SHISA6: variants seen among roughly 807,000 people sequenced by gnomAD.
The protein encoded by SHISA6 is shisa family member 6.
In SHISA6, 22 loss-of-function variants were observed where a neutral mutation model predicts 47.9. The observed-to-expected ratio is 0.46, with a 90% CI of 0.33 to 0.66. The LOEUF (loss-of-function observed/expected upper bound fraction) is 0.66. Among genes scored for constraint, SHISA6 ranks in the 30% least tolerant of loss-of-function variants. SHISA6 has a pLI of 0.02. For synonymous variants in SHISA6, 388 were observed against 337.8 expected (o/e 1.15, Z -1.63); for missense variants, 680 against 764.6 (o/e 0.89, Z 1.30).
At chr17:11,373,794 G>T (rs969940885) in intron 2 of SHISA6, among the ~76,000 whole-genome samples, 1 of 152,134 alleles carries the variant, frequency 6.6e-6, no homozygotes, top group African/African-American at 2.4e-5. Flanking sequence ...CACTATTTAT[G>T]ACTTTTCTCT....
chr17:11,466,837 C>T (rs1032929231), intron 3 of SHISA6, among the ~76,000 whole-genome samples: 1 of 152,140 alleles, frequency 6.6e-6, no homozygotes, highest in Non-Finnish European at 1.5e-5. Flanking sequence ...CTTCAGAGAC[C>T]ACCCCCTGTA....
At chr17:11,458,084 A>C in intron 3 of SHISA6, among the ~76,000 whole-genome samples, 2 of 92,186 alleles carry the variant, frequency 2.2e-5, no homozygotes, top group East Asian at 4.3e-4. Context: ...GACTCTGTCT[A>C]AAAAAAAAAA....
chr17:11,346,669 A>G (rs1911709497), intron 2 of SHISA6, among the ~76,000 whole-genome samples: 2 of 152,170 alleles, frequency 1.3e-5, no homozygotes, highest in Non-Finnish European at 1.5e-5. Context: ...ATAATATATC[A>G]TTCTATGTTT....
Position 11,477,395 on chromosome 17 carries a change from C to G in SHISA6, c.896-74501C>G, listed in dbSNP as rs543241788. On this transcript the variant is annotated intron_variant, in intron 3 of 5. Transcript: ENST00000441885. ...AACATTTTACATGATTCTATTTTCT[C>G]TAATTTCTTAACCTATCAGTTAAAC... Among the ~76,000 whole-genome samples the G allele has an allele frequency of 1.9e-4, 29 of 152,186 alleles. No homozygotes were observed. The South Asian group carries it at 5.6e-3, about 29-fold the overall frequency.
At chr17:11,515,634 G>A (rs936218025) in intron 3 of SHISA6, among the ~76,000 whole-genome samples, 6 of 152,170 alleles carry the variant, frequency 3.9e-5, no homozygotes, top group Non-Finnish European at 7.3e-5. Context: ...GTGTAGCAAT[G>A]TTGATCAGAC....
intron 1 of SHISA6, among the ~76,000 whole-genome samples, chr17:11,254,743 C>T (rs1907947640): frequency 6.6e-6 from 1 of 152,176 alleles, no homozygotes; most frequent in African/African-American, 2.4e-5. Context: ...GGAGTGTATC[C>T]TTTCTTTTGC....
In SHISA6 at chr17:11,354,557, G is replaced by A. The variant is rs565153614; in HGVS notation, c.800-24857G>A. On this transcript the variant is annotated intron_variant, in intron 2 of 5. Transcript: ENST00000441885. ...GCAGTTGGGAGTAAATTAATGAGAC[G>A]CATCTCAACCTCATTGTTAATGCCT... is the stretch of plus-strand genomic sequence containing the variant. Among the ~76,000 whole-genome samples, 9 of 152,276 alleles carry A rather than the reference G, an allele frequency of 5.9e-5. No individual in the cohort carries two copies. The South Asian group carries it at 8.3e-4, about 14-fold the overall frequency.
rs183349315 is a variant in SHISA6 at position 11,258,449 on chromosome 17, G to C, written c.639-4917G>C. The stretch of plus-strand genomic sequence containing the variant: ...TTACCAGGTGAACTAAGGGGCTCTA[G>C]GTTCCCCCACTTAATTTGGGGGGAA... On this transcript the variant is annotated intron_variant, in intron 1 of 5. Transcript: ENST00000441885. Among the ~76,000 whole-genome samples, 456 of 152,314 alleles carry C rather than the reference G, an allele frequency of 3.0e-3. 3 individuals are homozygous for C. The highest frequency in any genetic ancestry group is 0.01 in the African/African-American group (426 of 41,570).
chr17:11,469,577 G>C (rs1915889103), intron 3 of SHISA6, among the ~76,000 whole-genome samples: 1 of 152,162 alleles, frequency 6.6e-6, no homozygotes, highest in Non-Finnish European at 1.5e-5. Context: ...AGCAGAGCAG[G>C]GGTTGGCGGG....
chr17:11,345,768 G>A (rs79752372), intron 2 of SHISA6, among the ~76,000 whole-genome samples: 2,621 of 152,070 alleles, frequency 0.017, 76 homozygotes, highest in African/African-American at 0.056. Flanking sequence ...TTTGTTGATT[G>A]CTATTAAATA....
At chr17:11,412,887 G>T (rs1914171195) in intron 3 of SHISA6, among the ~76,000 whole-genome samples, 2 of 152,116 alleles carry the variant, frequency 1.3e-5, no homozygotes, top group South Asian at 4.1e-4. Context: ...AGAAAGTAGG[G>T]CTGTGGCCAG....
intron 3 of SHISA6, among the ~76,000 whole-genome samples, chr17:11,403,637 G>A (rs866527750): frequency 6.4e-4 from 97 of 152,180 alleles, no homozygotes; most frequent in African/African-American, 1.8e-3. Context: ...AGGTGCTGGC[G>A]CTTAGCCAGC....
chr17:11,435,288 T>G (rs1914905897), intron 3 of SHISA6, among the ~76,000 whole-genome samples: 1 of 152,222 alleles, frequency 6.6e-6, no homozygotes, highest in African/African-American at 2.4e-5. Context: ...GAATCACATT[T>G]ACTTGTAGGT....
intron 2 of SHISA6, among the ~76,000 whole-genome samples, chr17:11,283,671 A>G (rs1310540798): frequency 6.6e-6 from 1 of 152,208 alleles, no homozygotes; most frequent in Non-Finnish European, 1.5e-5. Context: ...TTTCTAATGC[A>G]TAGATGTCAT....
Position 11,398,721 on chromosome 17 carries a change from TA to T in SHISA6, c.895+19213del, listed in dbSNP as rs1322428128. ...AAATCTCCTGCCTCAGCCTCCCAAG[TA>T]GCTGGGACTACAGGTGTGTGCCACC... is the stretch of plus-strand genomic sequence containing the variant. On this transcript the variant is annotated intron_variant, in intron 3 of 5. Coordinates refer to ENST00000441885, the MANE Select transcript of SHISA6 (RefSeq NM_207386.4). Among the ~76,000 whole-genome samples the T allele has an allele frequency of 2.0e-5, 3 of 152,096 alleles. No homozygotes were observed. In the East Asian group the frequency reaches 5.8e-4, roughly 29 times the overall value.
At chr17:11,301,578 G>A (rs568543039) in intron 2 of SHISA6, among the ~76,000 whole-genome samples, 13 of 152,222 alleles carry the variant, frequency 8.5e-5, no homozygotes, top group African/African-American at 2.6e-4. Context: ...TCTTCCAGGC[G>A]TCCTTCAGTC....
At position 11,299,545 on chromosome 17, in the gene SHISA6, TG is replaced by T. The variant is rs1217454153; in HGVS notation, c.799+36022del. Among the ~76,000 whole-genome samples the T allele has an allele frequency of 3.9e-5, 6 of 152,354 alleles. No homozygotes were observed. The East Asian group carries it at 1.2e-3, about 29-fold the overall frequency. The stretch of plus-strand genomic sequence containing the variant: ...GCCAGAAGTCCAAAATAGCTTTCAC[TG>T]GGCTGAAGTCAAGATATGTTAGGGC... On this transcript the variant is annotated intron_variant, in intron 2 of 5. Transcript: ENST00000441885.
At chr17:11,334,542 C>T (rs960007368) in intron 2 of SHISA6, among the ~76,000 whole-genome samples, 2 of 152,294 alleles carry the variant, frequency 1.3e-5, no homozygotes, top group African/African-American at 2.4e-5. Flanking sequence ...TCCAGGAGAG[C>T]GCTAGACATG....
chr17:11,475,124 A>G (rs554015494), intron 3 of SHISA6, among the ~76,000 whole-genome samples: 27 of 152,120 alleles, frequency 1.8e-4, no homozygotes, highest in Non-Finnish European at 3.4e-4. Flanking sequence ...TGACATTTGT[A>G]TATTAACCTC....
Sources: allele counts gnomAD v4.1 joint callset (sites outside exome capture counted in the v4.1 genomes callset), GRCh38; gene constraint gnomAD v4.1.1; transcripts MANE v1.5; gene names NCBI Gene and HGNC (gene_info 2026-07-23, HGNC 2026-07-21).